The following GALNT2 variants were observed in gnomAD, a reference collection of about 807,000 sequenced individuals.
GALNT2 encodes the protein polypeptide N-acetylgalactosaminyltransferase 2, also known as UDP-GalNAc:polypeptide N-acetylgalactosaminyltransferase 2.
In GALNT2, 31 loss-of-function variants were observed where a neutral mutation model predicts 81.4. The observed-to-expected ratio is 0.38, with a 90% CI of 0.29 to 0.51. The LOEUF is 0.51. Among genes scored for constraint, GALNT2 ranks in the 20% least tolerant of loss-of-function variants. GALNT2 has a pLI of 0.87. For missense variants in GALNT2, 629 were observed against 765.7 expected (o/e 0.82, Z 2.11); for synonymous variants, 303 against 287.4 (o/e 1.05, Z -0.55).
At position 230,185,887 on chromosome 1, in the gene GALNT2, A is replaced by G. The variant is rs778460735; in HGVS notation, c.220+7576A>G. 9.9e-4 allele frequency among the ~76,000 whole-genome samples: 150 copies of G among 151,998 alleles called. 1 individual carries two copies. The highest frequency in any genetic ancestry group is 1.6e-3 in the Non-Finnish European group (111 of 67,990). The stretch of plus-strand genomic sequence containing the variant: ...TGAGCCTCCAGGAATTTTCCACTAC[A>G]GTTTAGGTTTTCCTACCCCCGTAGT... On this transcript the variant is annotated intron_variant, in intron 2 of 15. Coordinates refer to ENST00000366672, the MANE Select transcript of GALNT2 (RefSeq NM_004481.5).
intron 1 of GALNT2, among the ~76,000 whole-genome samples, chr1:230,151,165 C>T (rs889676512): frequency 4.6e-5 from 7 of 152,148 alleles, no homozygotes; most frequent in Non-Finnish European, 8.8e-5. Flanking sequence ...TTACAGTTGA[C>T]GATCACCGTG....
intron 1 of GALNT2, among the ~76,000 whole-genome samples, chr1:230,172,390 G>A (rs1019312407): frequency 2.0e-5 from 3 of 152,212 alleles, no homozygotes; most frequent in African/African-American, 7.2e-5. Context: ...AGCCCTGGCC[G>A]AAATCTTTGC....
At chr1:230,166,317 C>T (rs558073969) in intron 1 of GALNT2, among the ~76,000 whole-genome samples, 2 of 152,310 alleles carry the variant, frequency 1.3e-5, no homozygotes, top group Admixed American at 1.3e-4. Flanking sequence ...CTTTTTCAGG[C>T]ACTCCTCCCC....
At chr1:230,076,906 CAGA>C (rs1659579762) in intron 1 of GALNT2, among the ~76,000 whole-genome samples, 1 of 152,212 alleles carries the variant, frequency 6.6e-6, no homozygotes, top group Admixed American at 6.5e-5. Context: ...CTCTCTGCGT[CAGA>C]GACCAGTCCA....
chr1:230,219,140 C>T (rs1165138165), intron 3 of GALNT2, among the ~76,000 whole-genome samples: 1 of 152,212 alleles, frequency 6.6e-6, no homozygotes, highest in Non-Finnish European at 1.5e-5. Flanking sequence ...GCTTAAGGGA[C>T]ACTGGGTTTG....
intron 8 of GALNT2, among the ~76,000 whole-genome samples, chr1:230,246,547 C>G (rs1665376087): frequency 6.6e-6 from 1 of 152,156 alleles, no homozygotes; most frequent in Admixed American, 6.5e-5. Context: ...CTCTGCTCAC[C>G]CTGGCTATTT....
intron 11 of GALNT2, among the ~76,000 whole-genome samples, chr1:230,261,202 C>T (rs150878969): frequency 2.0e-5 from 3 of 151,214 alleles, no homozygotes; most frequent in African/African-American, 7.3e-5. Context: ...GCTGCTGGGT[C>T]AGAGAATAGG....
chr1:230,197,195 T>C (rs1241092611), intron 2 of GALNT2, among the ~76,000 whole-genome samples: 1 of 152,030 alleles, frequency 6.6e-6, no homozygotes, highest in Non-Finnish European at 1.5e-5. Context: ...TTCCAGGTGT[T>C]TCTTGGGAGC....
intron 13 of GALNT2, 69 bp downstream of exon 13, chr1:230,263,074 A>C: frequency 7.5e-7 from 1 of 1,333,660 alleles, no homozygotes; most frequent in Non-Finnish European, 1.1e-6. Context: ...TAGAAGCAGC[A>C]GAGGGGAAAT....
At chr1:230,078,645 G>T (rs1040598400) in intron 1 of GALNT2, among the ~76,000 whole-genome samples, 1 of 152,276 alleles carries the variant, frequency 6.6e-6, no homozygotes, top group South Asian at 2.1e-4. Flanking sequence ...CTTCTGTGAG[G>T]AGTATCTACA....
chr1:230,247,104 G>C lies in GALNT2; in HGVS notation c.817+954G>C, dbSNP rs528939529. On this transcript the variant is annotated intron_variant, in intron 8 of 15. Coordinates refer to ENST00000366672, the MANE Select transcript of GALNT2 (RefSeq NM_004481.5). The stretch of plus-strand genomic sequence containing the variant: ...AAAAAAAAAAAAAAAAATTAGCTGC[G>C]TGTGATGGCATGCCAGCTACTCGGG... Among the ~76,000 whole-genome samples, 578 of 151,606 alleles carry C rather than the reference G, an allele frequency of 3.8e-3. 7 individuals carry two copies. Among genetic ancestry groups the C allele is most frequent in the African/African-American group, 0.014 (560 of 41,288 alleles).
chr1:230,219,056 C>T (rs1204238856), intron 3 of GALNT2, among the ~76,000 whole-genome samples: 2 of 152,212 alleles, frequency 1.3e-5, no homozygotes, highest in Non-Finnish European at 2.9e-5. Flanking sequence ...AAACCATCTC[C>T]CCTCTCCACC....
intron 1 of GALNT2, chr1:230,058,105 A>C (rs1024552383): frequency 1.8e-5 from 8 of 456,182 alleles, no homozygotes; most frequent in Non-Finnish European, 3.5e-5. Context: ...ACTAAAGTAC[A>C]CGTATGTCCT....
chr1:230,234,408 C>T (rs905007193), intron 3 of GALNT2, among the ~76,000 whole-genome samples: 3 of 152,098 alleles, frequency 2.0e-5, no homozygotes, highest in Admixed American at 2.0e-4. Context: ...TTTTCGGAGC[C>T]CCAGCAAAGA....
At chr1:230,253,843 T>G (rs1424756732) in intron 10 of GALNT2, among the ~76,000 whole-genome samples, 1 of 152,206 alleles carries the variant, frequency 6.6e-6, no homozygotes, top group East Asian at 1.9e-4. Context: ...TCCCAGCCTT[T>G]ACTATCCTCC....
chr1:230,065,942 G>C (rs1449530715), upstream of GALNT2, among the ~76,000 whole-genome samples: 1 of 152,156 alleles, frequency 6.6e-6, no homozygotes, highest in Non-Finnish European at 1.5e-5. Flanking sequence ...CCTGACCTCT[G>C]TTCAGTTTTT....
intron 11 of GALNT2, 185 bp from the exon 12 acceptor site, chr1:230,262,388 C>T (rs553203503): frequency 1.4e-5 from 8 of 573,622 alleles, no homozygotes; most frequent in Admixed American, 3.1e-5. Context: ...GAGGCTGGCT[C>T]CCCACAGGTC....
rs77016191 is a variant in GALNT2 at position 230,243,020 on chromosome 1, T to C, written c.608-286T>C. ...TAGTTATAAAAGTTCCACATTTTGG[T>C]TAGTTGATAAAGGAGACTTCAGTAA... On this transcript the variant is annotated intron_variant, in intron 6 of 15. Coordinates refer to ENST00000366672, the MANE Select transcript of GALNT2 (RefSeq NM_004481.5). The surrounding 1 kb of genome is among the most constrained non-coding windows in gnomAD (Gnocchi z 4.2). 0.037 allele frequency among the ~76,000 whole-genome samples: 5,684 copies of C among 152,300 alleles called. 145 individuals carry two copies. The highest frequency in any genetic ancestry group is 0.058 in the Non-Finnish European group (3,936 of 68,030).
intron 11 of GALNT2, chr1:230,259,664 G>A (rs1400287998): frequency 1.3e-5 from 2 of 152,256 alleles, no homozygotes; most frequent in Non-Finnish European, 2.9e-5. Context: ...AATCATAGGG[G>A]TGTGGAAAAT....
Sources: allele counts gnomAD v4.1 joint callset (sites outside exome capture counted in the v4.1 genomes callset), GRCh38; gene constraint gnomAD v4.1.1; non-coding constraint Gnocchi (gnomAD v3.1); transcripts MANE v1.5; gene names NCBI Gene and HGNC (gene_info 2026-07-23, HGNC 2026-07-21).